Variants in WDR11 observed in about 807,000 individuals in gnomAD.
WDR11 encodes WD repeat domain 11, also known as WD repeat-containing protein 11.
In WDR11, 83 loss-of-function variants were observed where a neutral mutation model predicts 151.2. The ratio of observed to expected loss-of-function variants is 0.55; its 90% CI spans 0.46 to 0.66. The LOEUF (loss-of-function observed/expected upper bound fraction) is 0.66. Among genes scored for constraint, WDR11 ranks in the 30% least tolerant of loss-of-function variants. WDR11 has a pLI of 0.00. For missense variants in WDR11, 1,301 were observed against 1,480.9 expected (o/e 0.88, Z 1.99); for synonymous variants, 484 against 533.1 (o/e 0.91, Z 1.27).
At chr10:120,851,777 C>T (rs1845783899) in intron 1 of WDR11, 3 of 555,014 alleles carry the variant, frequency 5.4e-6, no homozygotes, top group Non-Finnish European at 9.7e-6. Flanking sequence ...TTTGCCGTTC[C>T]ATTCCTCTCT....
chr10:120,867,624 T>C (rs1386911264), intron 9 of WDR11, among the ~76,000 whole-genome samples: 2 of 152,244 alleles, frequency 1.3e-5, no homozygotes. Flanking sequence ...TGCTCTTCTT[T>C]TGTTTTTCCT....
intron 1 of WDR11, 52 bp downstream of exon 1, chr10:120,851,558 G>A: frequency 6.3e-7 from 1 of 1,574,892 alleles, no homozygotes; most frequent in South Asian, 1.2e-5. Flanking sequence ...ATGTGTGAGG[G>A]GGAAGGGGGA....
chr10:120,889,908 C>T lies in WDR11; in HGVS notation c.2242C>T (p.His748Tyr), dbSNP rs1847361904. The T allele has an allele frequency of 1.9e-6, 3 of 1,613,446 alleles. No individual in the cohort carries two copies. In the Admixed American group the frequency reaches 5.0e-5, roughly 27 times the overall value. ...CTTTGTCTTCAGAGGAATACCCACA[C>T]ACCGAAGTTGGGTGAGGAAGATTCG... ...KGRVSRGIPT[H>Y]RSWVRKIRFA... The change falls in exon 18 of 29, where the codon CAC becomes TAC. Residue 748 changes from histidine (H) to tyrosine (Y), a missense_variant. By Grantham distance (83) the His-to-Tyr change is moderately conservative (BLOSUM62 2). This residue lies in a region of WDR11 where 589 missense variants were observed against 670.6 expected (regional missense o/e 0.88). Transcript: ENST00000263461.
At chr10:120,866,450 G>A (rs559546915) in intron 7 of WDR11, 119 bp from the exon 8 acceptor site, 2 of 1,100,892 alleles carry the variant, frequency 1.8e-6, no homozygotes, top group East Asian at 2.5e-5. Flanking sequence ...AGCCATGCTT[G>A]ACATTGCATT....
chr10:120,883,849 T>G lies in WDR11; in HGVS notation c.1809T>G (p.Leu603=). The G allele has an allele frequency of 6.2e-7, 1 of 1,613,452 alleles. No individual in the cohort carries two copies. The highest frequency in any genetic ancestry group is 8.5e-7 in the Non-Finnish European group (1 of 1,179,582). ...GGGATGTTAGGACTTGTACCCTTCT[T>G]AGAGAGATGTCCAAAAACTTCCCTA... The part of the protein sequence containing the change: ...ELWDVRTCTL[L]REMSKNFPTI... The change falls in exon 14 of 29, where the codon CTT becomes CTG. Residue 603 remains leucine (L), a synonymous_variant. Transcript: ENST00000263461.
chr10:120,859,272 C>CTT (rs35233163), intron 3 of WDR11, among the ~76,000 whole-genome samples: 9 of 128,862 alleles, frequency 7.0e-5, no homozygotes, highest in African/African-American at 2.3e-4. Context: ...TTTTTTTTTT[C>CTT]TTTTTTTTTT....
intron 19 of WDR11, among the ~76,000 whole-genome samples, chr10:120,894,528 C>A (rs935140012): frequency 1.3e-5 from 2 of 152,156 alleles, no homozygotes; most frequent in Admixed American, 1.3e-4. Context: ...TCTTTTTCAC[C>A]GTTCATTGAA....
chr10:120,860,118 G>T lies in WDR11; in HGVS notation c.362G>T (p.Trp121Leu). 1 of 1,614,152 alleles carries T rather than the reference G, an allele frequency of 6.2e-7. No homozygotes were observed. The highest frequency in any genetic ancestry group is 8.5e-7 in the Non-Finnish European group (1 of 1,180,038). ...TATCGGGTCTTTCCAGATGTTCAGT[G>T]GTTGTGGAATCAAGATGCTTCCCGC... ...EHAKPIQDVQWLWNQDASRDL... is the reference protein window; with the variant it reads ...EHAKPIQDVQLLWNQDASRDL... The change falls in exon 4 of 29, where the codon TGG (tryptophan) becomes TTG (leucine). Residue 121 changes from tryptophan to leucine, a missense_variant. Physicochemically the swap from Trp to Leu is moderately conservative, Grantham distance 61. Transcript: ENST00000263461.
intron 10 of WDR11, among the ~76,000 whole-genome samples, chr10:120,871,580 G>C (rs1846544459): frequency 6.6e-6 from 1 of 152,076 alleles, no homozygotes. Context: ...AGACTGGACA[G>C]TCGAGTCTCT....
At chr10:120,874,212 GTT>G (rs1564703371) in intron 11 of WDR11, among the ~76,000 whole-genome samples, 1 of 98,946 alleles carries the variant, frequency 1.0e-5, no homozygotes, top group Admixed American at 1.1e-4. Flanking sequence ...GTTGTTGTTT[GTT>G]TTGTTTTGTT....
chr10:120,892,747 AAG>A (rs1590104749), intron 19 of WDR11, among the ~76,000 whole-genome samples: 2 of 152,338 alleles, frequency 1.3e-5, no homozygotes. Flanking sequence ...TCCTCCAATA[AAG>A]AGGGGGCAGT....
intron 28 of WDR11, 196 bp from the exon 29 acceptor site, chr10:120,908,360 A>C: frequency 3.2e-6 from 2 of 626,918 alleles, no homozygotes; most frequent in South Asian, 3.6e-5. Flanking sequence ...AGACTGAGAC[A>C]TGGCCTACTA....
Position 120,852,530 on chromosome 10 carries a change from G to A in WDR11, c.93G>A (p.Trp31Ter), listed in dbSNP as rs143600050. 6.2e-7 allele frequency: 1 copy of A among 1,613,890 alleles called. No individual in the cohort carries two copies. The highest frequency in any genetic ancestry group is 8.5e-7 in the Non-Finnish European group (1 of 1,179,864). ...AACATTACTGTTTTGCTAGGGGCTG[G>A]CAAGGTTTAATTGCTTATGGATGTC... Reference protein sequence around the residue: ...AHNKAAVDWGWQGLIAYGCHS... With the variant: ...AHNKAAVDWG The change falls in exon 2 of 29, where the codon TGG (tryptophan) becomes TGA (stop). Residue 31 changes from tryptophan to a stop codon, truncating the protein, a stop_gained. Transcript: ENST00000263461. LOFTEE classifies it high-confidence loss of function.
intron 2 of WDR11, among the ~76,000 whole-genome samples, chr10:120,853,905 T>G (rs550703189): frequency 1.3e-5 from 2 of 152,206 alleles, no homozygotes; most frequent in Non-Finnish European, 2.9e-5. Context: ...AGTCAGTGAA[T>G]TTTTAAGTTT....
intron 13 of WDR11, among the ~76,000 whole-genome samples, chr10:120,881,485 A>T (rs1847004007): frequency 1.5e-5 from 2 of 137,312 alleles, no homozygotes; most frequent in Admixed American, 1.6e-4. Context: ...TGAGGGGAAG[A>T]ATTGGTATCT....
In WDR11 at chr10:120,871,180, A is replaced by G. The variant is rs747564412; in HGVS notation, c.1305A>G (p.Ala435=). 2.4e-5 allele frequency: 39 copies of G among 1,614,164 alleles called. No individual in the cohort carries two copies. The South Asian group carries it at 4.1e-4, about 17-fold the overall frequency. Residue 435 remains alanine, a synonymous_variant, in exon 10 of 29, where the codon GCA becomes GCG. Transcript: ENST00000263461. ...TTTATTACAAATCAGGGCAAAGTGC[A>G]ATTGCTGGGGAAGAACATCCCAGAG... ...LSLDNMIGQS[A]IAGEEHPRGS... is the part of the protein sequence containing the mutation.
intron 16 of WDR11, among the ~76,000 whole-genome samples, chr10:120,887,864 A>G (rs1304950265): frequency 6.6e-6 from 1 of 152,178 alleles, no homozygotes; most frequent in African/African-American, 2.4e-5. Flanking sequence ...TAAACATTCT[A>G]TTTTATGGCT....
chr10:120,902,294 C>A lies in WDR11; in HGVS notation c.2725C>A (p.Leu909Ile), dbSNP rs772736934. The change falls in exon 22 of 29, where the codon CTC (leucine) becomes ATC (isoleucine). Residue 909 changes from leucine (L) to isoleucine (I), a missense_variant. Physicochemically the swap from Leu to Ile is conservative, Grantham distance 5 (BLOSUM62 2). Transcript: ENST00000263461. ...ACTGTTGCTTGATCCAGAATTCACT[C>A]TCTTGCAGAGGTGCCTGCTTGTTTC... Reference protein sequence around the residue: ...KKLLLDPEFTLLQRCLLVSRL... With the variant: ...KKLLLDPEFTILQRCLLVSRL... The A allele has an allele frequency of 6.2e-7, 1 of 1,614,106 alleles. No homozygotes were observed. Among genetic ancestry groups the A allele is most frequent in the Non-Finnish European group, 8.5e-7 (1 of 1,179,992 alleles).
intron 15 of WDR11, 47 bp from the exon 16 acceptor site, chr10:120,886,642 C>G (rs911214274): frequency 6.3e-7 from 1 of 1,580,038 alleles, no homozygotes; most frequent in Non-Finnish European, 8.6e-7. Flanking sequence ...GAGTATCACT[C>G]TAGGGGAAAA....
Sources: allele counts gnomAD v4.1 joint callset (sites outside exome capture counted in the v4.1 genomes callset), GRCh38; gene constraint gnomAD v4.1.1; regional missense constraint gnomAD v4.1.1; transcripts MANE v1.5; gene names NCBI Gene and HGNC (gene_info 2026-07-23, HGNC 2026-07-21).